Variants in KCNIP4 observed in about 807,000 individuals in gnomAD.
KCNIP4 encodes potassium voltage-gated channel interacting protein 4, also known as Kv channel-interacting protein 4.
A neutral mutation model predicts 34.0 loss-of-function variants in KCNIP4; 12 were observed. The observed-to-expected ratio is 0.35, with a 90% CI of 0.23 to 0.57. The LOEUF (loss-of-function observed/expected upper bound fraction) is 0.57. Ranked by LOEUF, KCNIP4 falls within the 20% of genes least tolerant of loss-of-function variation. KCNIP4 has a pLI of 0.83. For missense variants in KCNIP4, 238 were observed against 311.7 expected, an observed-to-expected ratio of 0.76 and a Z score of 1.78; for synonymous variants, 124 against 102.2, an observed-to-expected ratio of 1.21 and a Z score of -1.29.
chr4:21,669,749 T>TACCAATTACCA (rs1749328580), intron 1 of KCNIP4, among the ~76,000 whole-genome samples: 1 of 152,196 alleles, frequency 6.6e-6, no homozygotes, highest in Non-Finnish European at 1.5e-5. Flanking sequence ...TTTTACTCCA[T>TACCAATTACCA]TACCAATTAC....
intron 3 of KCNIP4, among the ~76,000 whole-genome samples, chr4:20,764,681 G>GACACACACACAC (rs5856578): frequency 0.053 from 7,845 of 147,102 alleles, 227 homozygotes; most frequent in South Asian, 0.095. Flanking sequence ...ATGGGAATTG[G>GACACACACACAC]ACACACACAC....
chr4:21,325,465 TTTTA>T (rs914260065), intron 1 of KCNIP4, among the ~76,000 whole-genome samples: 11 of 151,838 alleles, frequency 7.2e-5, no homozygotes, highest in East Asian at 1.9e-4. Context: ...TCATCTCTGA[TTTTA>T]TTTATTTGGT....
At chr4:21,648,703 C>G (rs1176337366) in intron 1 of KCNIP4, among the ~76,000 whole-genome samples, 1 of 152,052 alleles carries the variant, frequency 6.6e-6, no homozygotes, top group Non-Finnish European at 1.5e-5. Context: ...TAGATCATTT[C>G]AAGAGGAAAT....
At chr4:21,233,029 T>C (rs551747694) in intron 1 of KCNIP4, among the ~76,000 whole-genome samples, 2 of 152,210 alleles carry the variant, frequency 1.3e-5, no homozygotes, top group Admixed American at 1.3e-4. Context: ...ACAAGAAGCA[T>C]TCCAGTGAGA....
At chr4:21,904,188 TC>T (rs1288372205) in intron 1 of KCNIP4, among the ~76,000 whole-genome samples, 2 of 152,140 alleles carry the variant, frequency 1.3e-5, no homozygotes, top group African/African-American at 2.4e-5. Flanking sequence ...AATTCTTCAG[TC>T]CCCTCCCTAG....
chr4:20,864,932 T>A (rs1259785172), intron 2 of KCNIP4, among the ~76,000 whole-genome samples: 1 of 152,096 alleles, frequency 6.6e-6, no homozygotes, highest in Admixed American at 6.6e-5. Flanking sequence ...CCCACAGTTT[T>A]AGTAAGCTTC....
chr4:21,632,845 T>C (rs1266424728), intron 1 of KCNIP4, among the ~76,000 whole-genome samples: 4 of 152,156 alleles, frequency 2.6e-5, no homozygotes, highest in Non-Finnish European at 5.9e-5. Flanking sequence ...TCTTCAAGAA[T>C]TTCCAACTCA....
At chr4:21,137,875 TTTG>T (rs1433614897) in intron 1 of KCNIP4, among the ~76,000 whole-genome samples, 2 of 133,490 alleles carry the variant, frequency 1.5e-5, no homozygotes, top group Non-Finnish European at 3.2e-5. Context: ...CACAGGCTTT[TTTG>T]TTTTTTTTTT....
At chr4:21,308,255 G>A (rs1239517032) in intron 1 of KCNIP4, among the ~76,000 whole-genome samples, 2 of 152,156 alleles carry the variant, frequency 1.3e-5, no homozygotes, top group African/African-American at 4.8e-5. Flanking sequence ...TGGTTTGCTG[G>A]TCTTCAAAAT....
chr4:20,918,903 G>T, intron 1 of KCNIP4, among the ~76,000 whole-genome samples: 1 of 152,320 alleles, frequency 6.6e-6, no homozygotes, highest in South Asian at 2.1e-4. Flanking sequence ...CTGTAAGTAA[G>T]ATATAATCTG....
At chr4:21,171,770 A>G (rs79436487) in intron 1 of KCNIP4, among the ~76,000 whole-genome samples, 3,414 of 152,284 alleles carry the variant, frequency 0.022, 146 homozygotes, top group African/African-American at 0.078. Flanking sequence ...ATGTAGTGAC[A>G]TGTGTGTGAG....
intron 1 of KCNIP4, among the ~76,000 whole-genome samples, chr4:21,630,796 A>C (rs1261038021): frequency 1.3e-5 from 2 of 152,186 alleles, no homozygotes; most frequent in Non-Finnish European, 2.9e-5. Flanking sequence ...AGACGCCCGC[A>C]AGAAAGAGCC....
At position 21,848,595 on chromosome 4, in the gene KCNIP4, T is replaced by C. The variant is rs1057501654; in HGVS notation, c.61+99976A>G. The C allele has an allele frequency of 2.0e-5, 3 of 152,196 alleles. 1 individual carries two copies. Among genetic ancestry groups the C allele is most frequent in the South Asian group, 4.1e-4 (2 of 4,834 alleles). The allele number at this position is 152,196 out of a possible 1,614,324, so 9.4% of individuals were successfully genotyped here. On this transcript the variant is annotated intron_variant, in intron 1 of 8. Transcript: ENST00000382152. Reference sequence around the variant, plus strand: ...ATAAAGGCCTAATTCTTTCAACAGATGTTCTTGATCATGATTTTTGTTATT... The same window carrying C: ...ATAAAGGCCTAATTCTTTCAACAGACGTTCTTGATCATGATTTTTGTTATT...
rs189370031 is a variant in KCNIP4, at chr4:21,355,013, T to A, written c.62-472304A>T. Among the ~76,000 whole-genome samples the A allele has an allele frequency of 6.8e-4, 104 of 152,246 alleles. 1 individual carries two copies. The highest frequency in any genetic ancestry group is 2.4e-3 in the African/African-American group (98 of 41,544). ...AGAAACTCACTCAAAATCACTCAAC[T>A]ACATGGAAACTGAACAACCTGCTCC... On this transcript the variant is annotated intron_variant, in intron 1 of 8. Coordinates refer to ENST00000382152, the MANE Select transcript of KCNIP4 (RefSeq NM_025221.6).
intron 3 of KCNIP4, among the ~76,000 whole-genome samples, chr4:20,829,752 C>A (rs1169449142): frequency 6.6e-6 from 1 of 152,090 alleles, no homozygotes; most frequent in African/African-American, 2.4e-5. Context: ...ACTCTCATTC[C>A]TCTCACTCTG....
chr4:21,885,743 A>G (rs1264945565), intron 1 of KCNIP4, among the ~76,000 whole-genome samples: 1 of 152,166 alleles, frequency 6.6e-6, no homozygotes, highest in Non-Finnish European at 1.5e-5. Context: ...GGGAGGAGAC[A>G]CTTCCTTCCA....
rs1491405113 is a variant in KCNIP4 at position 21,519,574 on chromosome 4, A to ATGTGTG, written c.61+428996_61+428997insCACACA. 1.2e-3 allele frequency among the ~76,000 whole-genome samples: 39 copies of ATGTGTG among 32,332 alleles called. 9 individuals are homozygous for ATGTGTG. Among genetic ancestry groups the ATGTGTG allele is most frequent in the Admixed American group, 2.5e-3 (9 of 3,650 alleles). The allele number at this position is 32,332 out of a possible 152,430, so 21.2% of individuals were successfully genotyped here. A position where few individuals can be genotyped will look rare whatever the true frequency, so the allele number is the denominator to read the frequency against. On this transcript the variant is annotated intron_variant, in intron 1 of 8. Coordinates refer to ENST00000382152, the MANE Select transcript of KCNIP4 (RefSeq NM_025221.6). ...TATGTGTGTATGTGTATATATACACATATGTGTGTGTATGTATGTGTATAT... is the reference window on the plus strand; with the variant it reads ...TATGTGTGTATGTGTATATATACACATGTGTGTATGTGTGTGTATGTATGTGTATAT...
chr4:20,880,625 T>C (rs1381026794), intron 2 of KCNIP4, among the ~76,000 whole-genome samples: 1 of 152,220 alleles, frequency 6.6e-6, no homozygotes, highest in Non-Finnish European at 1.5e-5. Flanking sequence ...TCTACTTCTC[T>C]ACGTGAATAC....
At chr4:21,335,982 T>C (rs189046081) in intron 1 of KCNIP4, among the ~76,000 whole-genome samples, 1,668 of 152,276 alleles carry the variant, frequency 0.011, 15 homozygotes, top group South Asian at 0.021. Flanking sequence ...TAAGCATGAC[T>C]GTCCTCACAC....
Sources: allele counts gnomAD v4.1 joint callset (sites outside exome capture counted in the v4.1 genomes callset), GRCh38; gene constraint gnomAD v4.1.1; transcripts MANE v1.5; gene names NCBI Gene and HGNC (gene_info 2026-07-23, HGNC 2026-07-21).